The following LRRC7 variants were observed in gnomAD, a reference collection of about 807,000 sequenced individuals.
LRRC7 encodes the protein leucine-rich repeat-containing protein 7.
In LRRC7, 23 loss-of-function variants were observed where a neutral mutation model predicts 175.7. The ratio of observed to expected loss-of-function variants is 0.13; its 90% confidence interval spans 0.09 to 0.19. LRRC7 has a LOEUF of 0.19. Among genes scored for constraint, LRRC7 ranks in the 10% least tolerant of loss-of-function variants. The pLI is 1.00. For missense variants in LRRC7, 1,354 were observed against 1,904.7 expected, an observed-to-expected ratio of 0.71 and a Z score of 5.38; for synonymous variants, 685 against 680.9, an observed-to-expected ratio of 1.01 and a Z score of -0.09.
rs1029545426 is a variant in LRRC7 at position 70,141,374 on chromosome 1, AAAT to A, written c.*19491_*19493del. 2.6e-5 allele frequency: 4 copies of A among 152,154 alleles called. No individual in the cohort carries two copies. The highest frequency in any genetic ancestry group is 2.0e-4 in the Admixed American group (3 of 15,264). The allele number at this position is 152,154 out of a possible 1,614,324, so 9.4% of individuals were successfully genotyped here. On this transcript the variant is annotated 3_prime_UTR_variant, in exon 27 of 27. Transcript: ENST00000651989. ...CAACTCTGTCTACAAATACTTTTGC[AAAT>A]AATGTTTCTCTTAATAAAATGATAT...
intron 7 of LRRC7, among the ~76,000 whole-genome samples, chr1:69,888,142 C>A (rs1417003001): frequency 7.0e-6 from 1 of 143,606 alleles, no homozygotes; most frequent in Non-Finnish European, 1.5e-5. Flanking sequence ...GTGGTGGGCT[C>A]CACCCAGTTT....
At chr1:69,998,076 A>G (rs1655175021) in intron 11 of LRRC7, among the ~76,000 whole-genome samples, 1 of 152,170 alleles carries the variant, frequency 6.6e-6, no homozygotes, top group African/African-American at 2.4e-5. Flanking sequence ...CCACCATATA[A>G]ATTCTTACTG....
chr1:69,919,700 GC>G, intron 7 of LRRC7: 1 of 990,428 alleles, frequency 1.0e-6, no homozygotes, highest in Non-Finnish European at 1.6e-6. Flanking sequence ...CTCGGCCAAG[GC>G]CAGGGGAGAC....
chr1:70,039,867 G>A, intron 21 of LRRC7, 74 bp downstream of exon 21: 1 of 1,494,018 alleles, frequency 6.7e-7, no homozygotes. Flanking sequence ...CTAAGCACAT[G>A]TAGTGAAGCA....
At chr1:69,760,078 G>A in intron 2 of LRRC7, 113 bp from the exon 3 acceptor site, 2 of 1,008,542 alleles carry the variant, frequency 2.0e-6, no homozygotes, top group South Asian at 1.7e-5. Flanking sequence ...CTACTTTAAA[G>A]TATTCTAGAC....
intron 7 of LRRC7, among the ~76,000 whole-genome samples, chr1:69,896,192 T>C (rs202065220): frequency 6.6e-6 from 1 of 152,210 alleles, no homozygotes; most frequent in East Asian, 1.9e-4. Flanking sequence ...GATGTACATA[T>C]TTTCAGGGTA....
intron 7 of LRRC7, among the ~76,000 whole-genome samples, chr1:69,850,625 T>A (rs1457551195): frequency 2.0e-5 from 3 of 152,160 alleles, no homozygotes; most frequent in Non-Finnish European, 4.4e-5. Context: ...TGGAAGTAGG[T>A]CCTTGCTGAT....
intron 7 of LRRC7, among the ~76,000 whole-genome samples, chr1:69,914,422 C>T (rs1458070210): frequency 1.3e-5 from 2 of 152,124 alleles, no homozygotes; most frequent in Non-Finnish European, 1.5e-5. Flanking sequence ...TCCAGCTTTG[C>T]AATCGGATAA....
At chr1:70,027,946 A>G (rs1439806245) in intron 17 of LRRC7, among the ~76,000 whole-genome samples, 2 of 152,174 alleles carry the variant, frequency 1.3e-5, no homozygotes, top group Non-Finnish European at 2.9e-5. Flanking sequence ...AAGACAGAAT[A>G]TGATTCAAAA....
chr1:69,687,433 C>T (rs1250495394), intron 2 of LRRC7, among the ~76,000 whole-genome samples: 7 of 149,284 alleles, frequency 4.7e-5, no homozygotes, highest in Non-Finnish European at 1.0e-4. Context: ...TCACTTGAGC[C>T]CGGGAGGCGG....
intron 1 of LRRC7, among the ~76,000 whole-genome samples, chr1:69,620,361 C>A (rs1650373633): frequency 6.6e-6 from 1 of 151,928 alleles, no homozygotes; most frequent in African/African-American, 2.4e-5. Flanking sequence ...CTTGGATGAT[C>A]AATAATTAAT....
chr1:69,964,207 T>G (rs1651433539), intron 8 of LRRC7, among the ~76,000 whole-genome samples: 2 of 152,214 alleles, frequency 1.3e-5, no homozygotes, highest in African/African-American at 4.8e-5. Context: ...AGATAGTAGC[T>G]AATGTCCATT....
At chr1:69,906,900 T>C (rs1290138883) in intron 7 of LRRC7, among the ~76,000 whole-genome samples, 1 of 152,186 alleles carries the variant, frequency 6.6e-6, no homozygotes, top group Non-Finnish European at 1.5e-5. Flanking sequence ...GAGCATGGAA[T>C]GTTCTTCCAT....
At chr1:70,064,553 A>G (rs1661826512) in intron 23 of LRRC7, among the ~76,000 whole-genome samples, 1 of 151,934 alleles carries the variant, frequency 6.6e-6, no homozygotes, top group Admixed American at 6.6e-5. Flanking sequence ...ACATTATAGC[A>G]TAGCCCATTG....
intron 8 of LRRC7, among the ~76,000 whole-genome samples, chr1:69,945,830 A>T (rs1649248571): frequency 6.6e-6 from 1 of 151,954 alleles, no homozygotes; most frequent in African/African-American, 2.4e-5. Context: ...TTTTATGTTG[A>T]TTTTGTATCC....
chr1:69,693,234 A>G (rs958215072), intron 2 of LRRC7, among the ~76,000 whole-genome samples: 5 of 152,192 alleles, frequency 3.3e-5, no homozygotes, highest in African/African-American at 7.2e-5. Flanking sequence ...TATAGATGAT[A>G]TAGACATCTA....
chr1:70,088,893 T>A (rs1036503981), intron 24 of LRRC7, among the ~76,000 whole-genome samples: 1 of 152,178 alleles, frequency 6.6e-6, no homozygotes, highest in Non-Finnish European at 1.5e-5. Flanking sequence ...CCTAATGCCA[T>A]CATTCCCCCA....
rs979117633 is a variant in LRRC7, at chr1:70,122,319, A to G, written c.*432A>G. The G allele has an allele frequency of 2.0e-5, 3 of 153,346 alleles. No homozygotes were observed. The highest frequency in any genetic ancestry group is 4.8e-5 in the African/African-American group (2 of 41,478). The allele number at this position is 153,346 out of a possible 1,614,324, so 9.5% of individuals were successfully genotyped here. On this transcript the variant is annotated 3_prime_UTR_variant, in exon 27 of 27. Coordinates refer to ENST00000651989, the MANE Select transcript of LRRC7 (RefSeq NM_001370785.2). The stretch of plus-strand genomic sequence containing the variant: ...ATTGTAATTCCCATAAAATATTTCT[A>G]GCACAAGGTATATGTTGGCATATAT...
intron 4 of LRRC7, among the ~76,000 whole-genome samples, chr1:69,808,091 G>A (rs556507989): frequency 6.6e-6 from 1 of 151,240 alleles, no homozygotes; most frequent in South Asian, 2.1e-4. Context: ...GATCAATTCA[G>A]CTATTGATAC....
Sources: allele counts gnomAD v4.1 joint callset (sites outside exome capture counted in the v4.1 genomes callset), GRCh38; gene constraint gnomAD v4.1.1; transcripts MANE v1.5; gene names NCBI Gene and HGNC (gene_info 2026-07-23, HGNC 2026-07-21).